Variants in SPATS2L observed in about 807,000 individuals in gnomAD.
SPATS2L encodes spermatogenesis associated serine rich 2 like, also known as SPATS2-like protein.
A neutral mutation model predicts 59.6 loss-of-function variants in SPATS2L; 30 were observed. The ratio of observed to expected loss-of-function variants is 0.50; its 90% CI spans 0.38 to 0.68. The LOEUF is 0.68. Ranked by LOEUF, SPATS2L falls within the 30% of genes least tolerant of loss-of-function variation. SPATS2L has a pLI of 0.00. For synonymous variants in SPATS2L, 252 were observed against 263.5 expected (o/e 0.96, Z 0.42); for missense variants, 615 against 700.0 (o/e 0.88, Z 1.37).
At chr2:200,430,584 G>A (rs1358979315) in intron 6 of SPATS2L, among the ~76,000 whole-genome samples, 1 of 152,010 alleles carries the variant, frequency 6.6e-6, no homozygotes, top group Non-Finnish European at 1.5e-5. Context: ...TACTTAACGT[G>A]AGATTATGAA....
At chr2:200,452,648 T>C (rs1372747487) in intron 8 of SPATS2L, among the ~76,000 whole-genome samples, 4 of 152,224 alleles carry the variant, frequency 2.6e-5, no homozygotes, top group East Asian at 1.9e-4. Context: ...AGTGTAGTCA[T>C]TGATGTTCAT....
chr2:200,413,258 T>TGGCAA (rs2082946879), intron 4 of SPATS2L, among the ~76,000 whole-genome samples: 4 of 152,124 alleles, frequency 2.6e-5, no homozygotes, highest in Non-Finnish European at 5.9e-5. Flanking sequence ...GTTTATGATT[T>TGGCAA]TTAGATTGCC....
At chr2:200,434,630 A>G (rs909749238) in intron 6 of SPATS2L, among the ~76,000 whole-genome samples, 1 of 152,154 alleles carries the variant, frequency 6.6e-6, no homozygotes, top group African/African-American at 2.4e-5. Context: ...ATTCTAAAAC[A>G]CCTAGGAATA....
rs1162467514 is a variant in SPATS2L, at chr2:200,469,915, A to G, written c.959A>G (p.His320Arg). 2.5e-6 allele frequency: 4 copies of G among 1,607,596 alleles called. No homozygotes were observed. In the Admixed American group the frequency reaches 6.8e-5, roughly 27 times the overall value. ...QLAELRAEIK[H>R]FVSERKYDEE... The stretch of plus-strand genomic sequence containing the variant: ...CTGCTTTTCATCTCTTTCCTCCAGC[A>G]CTTTGTCAGCGAGCGTAAATATGAC... The change falls in exon 11 of 13, where the codon CAC becomes CGC. Residue 320 changes from histidine to arginine, a missense_variant and splice_region_variant. His to Arg is a conservative substitution (Grantham distance 29). Transcript: ENST00000409140.
chr2:200,480,329 TA>T lies in SPATS2L; in HGVS notation c.*2299del, dbSNP rs1161855727. 1 of 128,448 alleles carries T rather than the reference TA, an allele frequency of 7.8e-6. No individual in the cohort carries two copies. Among genetic ancestry groups the T allele is most frequent in the Admixed American group, 1.1e-4 (1 of 9,518 alleles). The allele number at this position is 128,448 out of a possible 1,614,324, so 8.0% of individuals were successfully genotyped here. A position where few individuals can be genotyped will look rare whatever the true frequency, so the allele number is the denominator to read the frequency against. Reference sequence around the variant, plus strand: ...TCAGACCTGATCACATTTTTTCCAATATTTTTTCCTTTTTTTTTTTTTTTTT... The same window carrying T: ...TCAGACCTGATCACATTTTTTCCAATTTTTTTCCTTTTTTTTTTTTTTTTT... On this transcript the variant is annotated 3_prime_UTR_variant, in exon 13 of 13. Transcript: ENST00000409140.
intron 3 of SPATS2L, among the ~76,000 whole-genome samples, chr2:200,397,821 A>G (rs1212724184): frequency 6.6e-6 from 1 of 151,970 alleles, no homozygotes; most frequent in Non-Finnish European, 1.5e-5. Context: ...GGGAAAAGAT[A>G]GGTATAATTA....
intron 1 of SPATS2L, among the ~76,000 whole-genome samples, chr2:200,310,487 T>G (rs2079158153): frequency 6.6e-6 from 1 of 152,234 alleles, no homozygotes; most frequent in African/African-American, 2.4e-5. Context: ...TACATCTTGG[T>G]CTCTCTGTAA....
chr2:200,373,270 C>CAAAAAAAAAAAAAAAAAAAAAAAAAA (rs3856514), intron 2 of SPATS2L: 4 of 106,038 alleles, frequency 3.8e-5, no homozygotes, highest in Non-Finnish European at 3.7e-5. Context: ...ACTGCCTTAA[C>CAAAAAAAAAAAAAAAAAAAAAAAAAA]AAAAAAAAAA....
chr2:200,337,650 T>G (rs551116189), intron 2 of SPATS2L, among the ~76,000 whole-genome samples: 1 of 152,208 alleles, frequency 6.6e-6, no homozygotes, highest in Non-Finnish European at 1.5e-5. Context: ...TTGAAAGGCA[T>G]GTGTGGCTTA....
At chr2:200,452,939 A>G (rs2085569876) in intron 8 of SPATS2L, among the ~76,000 whole-genome samples, 1 of 152,208 alleles carries the variant, frequency 6.6e-6, no homozygotes, top group African/African-American at 2.4e-5. Context: ...AAAAGAATTC[A>G]GGTTGTTATA....
chr2:200,415,690 T>G (rs907794136), intron 4 of SPATS2L, among the ~76,000 whole-genome samples: 2 of 151,970 alleles, frequency 1.3e-5, no homozygotes, highest in African/African-American at 4.8e-5. Flanking sequence ...TATATATAAT[T>G]TAATATAATT....
At chr2:200,459,659 G>A in intron 8 of SPATS2L, 110 bp from the exon 9 acceptor site, 1 of 834,480 alleles carries the variant, frequency 1.2e-6, no homozygotes, top group Non-Finnish European at 1.9e-6. Flanking sequence ...AAATATTTAT[G>A]GTAATTTTGT....
intron 8 of SPATS2L, among the ~76,000 whole-genome samples, chr2:200,451,233 A>G (rs996397020): frequency 4.0e-5 from 6 of 151,764 alleles, no homozygotes; most frequent in African/African-American, 1.5e-4. Context: ...AGGTGGAAGG[A>G]TCGCCTGAGC....
chr2:200,415,005 C>CT (rs2105997109), intron 4 of SPATS2L, among the ~76,000 whole-genome samples: 1 of 152,280 alleles, frequency 6.6e-6, no homozygotes, highest in African/African-American at 2.4e-5. Flanking sequence ...TGAAGCGTAG[C>CT]TATAAGTAAG....
chr2:200,412,894 A>AAAT (rs1559109427), intron 4 of SPATS2L, among the ~76,000 whole-genome samples: 2 of 151,776 alleles, frequency 1.3e-5, no homozygotes, highest in African/African-American at 4.8e-5. Context: ...TCTATAAAAA[A>AAAT]ATATATATAT....
intron 2 of SPATS2L, among the ~76,000 whole-genome samples, chr2:200,386,854 T>G (rs757333572): frequency 1.1e-4 from 16 of 152,126 alleles, no homozygotes; most frequent in Non-Finnish European, 1.8e-4. Flanking sequence ...ATACACACAT[T>G]CATATACTAT....
chr2:200,363,557 A>T (rs1396382905), intron 2 of SPATS2L, among the ~76,000 whole-genome samples: 1 of 152,230 alleles, frequency 6.6e-6, no homozygotes, highest in African/African-American at 2.4e-5. Flanking sequence ...GCAGAATTAG[A>T]TCAAGGACAT....
At chr2:200,413,683 A>G (rs1477551193) in intron 4 of SPATS2L, among the ~76,000 whole-genome samples, 1 of 152,246 alleles carries the variant, frequency 6.6e-6, no homozygotes, top group African/African-American at 2.4e-5. Context: ...GAGTAGAATA[A>G]CCTTCTTGAG....
rs2084520004 is a variant in SPATS2L, at chr2:200,439,236, C to T, written c.560C>T (p.Pro187Leu). The T allele has an allele frequency of 6.2e-7, 1 of 1,613,734 alleles. No homozygotes were observed. The highest frequency in any genetic ancestry group is 8.5e-7 in the Non-Finnish European group (1 of 1,179,714). ...LQWSAEQPCN[P>L]SKPKAKTSPV... is the part of the protein sequence containing the mutation. Reference sequence around the variant, plus strand: ...TGGTCAGCTGAGCAGCCTTGTAACCCAAGCAAGCCTAAGGCAAAAACATCT... The same window carrying T: ...TGGTCAGCTGAGCAGCCTTGTAACCTAAGCAAGCCTAAGGCAAAAACATCT... The change falls in exon 7 of 13, where the codon CCA becomes CTA. Residue 187 changes from proline (P) to leucine (L), a missense_variant. This residue lies in a region of SPATS2L where 227 missense variants were observed against 257.4 expected (regional missense o/e 0.88). Transcript: ENST00000409140.
Sources: gnomAD v4.1 joint callset for allele counts (sites outside exome capture counted in the v4.1 genomes callset) on GRCh38, gnomAD v4.1.1 for gene constraint, gnomAD v4.1.1 regional missense constraint, MANE v1.5 for transcripts, NCBI Gene and HGNC (gene_info 2026-07-23, HGNC 2026-07-21) for gene names.